IQGAP2: variants seen among roughly 807,000 people sequenced by gnomAD.
IQGAP2 encodes the protein IQ motif containing GTPase activating protein 2, also known as ras GTPase-activating-like protein IQGAP2.
In IQGAP2, 173 loss-of-function variants were observed where a neutral mutation model predicts 201.3. That is an observed-to-expected ratio of 0.86 (90% CI 0.76 to 0.98). The LOEUF is 0.98. Ranked by LOEUF, IQGAP2 falls within the 50% of genes least tolerant of loss-of-function variation. The pLI, the probability that IQGAP2 is intolerant of heterozygous loss-of-function variation, is 0.00. For missense variants in IQGAP2, 1,687 were observed against 1,864.8 expected, an observed-to-expected ratio of 0.90 and a Z score of 1.76; for synonymous variants, 675 against 673.9, an observed-to-expected ratio of 1.00 and a Z score of -0.03.
chr5:76,597,285 C>T, intron 9 of IQGAP2, 154 bp from the exon 10 acceptor site: 2 of 677,946 alleles, frequency 3.0e-6, no homozygotes, highest in East Asian at 2.7e-5. Context: ...ACTGAGATAA[C>T]ATTTTCAAAG....
At chr5:76,407,999 T>G (rs1750886800) in intron 1 of IQGAP2, among the ~76,000 whole-genome samples, 1 of 152,062 alleles carries the variant, frequency 6.6e-6, no homozygotes. Context: ...GGTGTGGTAG[T>G]GCATGCCTGT....
intron 17 of IQGAP2, among the ~76,000 whole-genome samples, chr5:76,651,750 A>G (rs1225206945): frequency 6.6e-6 from 1 of 151,658 alleles, no homozygotes; most frequent in Non-Finnish European, 1.5e-5. Flanking sequence ...TTTTTTAAAC[A>G]TATTTATGCC....
In IQGAP2 at chr5:76,674,008, C is replaced by G. The variant is rs1744584995; in HGVS notation, c.3266C>G (p.Pro1089Arg). The G allele has an allele frequency of 1.2e-6, 2 of 1,607,706 alleles. No homozygotes were observed. Among genetic ancestry groups the G allele is most frequent in the African/African-American group, 2.7e-5 (2 of 74,862 alleles). The part of the protein sequence containing the change: ...VLKNSIHEKF[P>R]DATEDELLKI... Reference sequence around the variant, plus strand: ...AAGAATTCGATCCATGAGAAATTCCCCGATGCAACAGAAGATGAGCTATTA... The same window carrying G: ...AAGAATTCGATCCATGAGAAATTCCGCGATGCAACAGAAGATGAGCTATTA... The change falls in exon 26 of 36, where the codon CCC (proline) becomes CGC (arginine). Residue 1089 changes from proline (P) to arginine (R), a missense_variant. Transcript: ENST00000274364.
intron 2 of IQGAP2, among the ~76,000 whole-genome samples, chr5:76,487,307 C>T (rs527482155): frequency 1.7e-4 from 26 of 152,188 alleles, no homozygotes; most frequent in African/African-American, 5.8e-4. Flanking sequence ...CCATGTTGGC[C>T]AGGCTGGTCT....
chr5:76,510,552 T>C (rs973206109), intron 2 of IQGAP2: 3 of 448,064 alleles, frequency 6.7e-6, no homozygotes, highest in African/African-American at 6.0e-5. Context: ...CCCGCCAAGG[T>C]ATAGAGTCTC....
In IQGAP2 at chr5:76,486,522, T is replaced by C. The variant is rs1230550888; in HGVS notation, c.146+24853T>C. 2.6e-5 allele frequency among the ~76,000 whole-genome samples: 4 copies of C among 152,210 alleles called. No homozygotes were observed. The East Asian group carries it at 7.7e-4, about 29-fold the overall frequency. ...CATCAATTTCAGACCTTAAGCACGGTTATCAACCTGTTAGATGCTTCTATT... is the reference window on the plus strand; with the variant it reads ...CATCAATTTCAGACCTTAAGCACGGCTATCAACCTGTTAGATGCTTCTATT... On this transcript the variant is annotated intron_variant, in intron 2 of 35. Transcript: ENST00000274364.
intron 2 of IQGAP2, among the ~76,000 whole-genome samples, chr5:76,510,085 C>T (rs772885717): frequency 3.3e-4 from 50 of 151,324 alleles, no homozygotes; most frequent in South Asian, 2.1e-4. Flanking sequence ...CTGTGAACTC[C>T]GCCTCCTGGA....
intron 11 of IQGAP2, among the ~76,000 whole-genome samples, chr5:76,605,935 T>C (rs1177011143): frequency 6.6e-6 from 1 of 152,220 alleles, no homozygotes; most frequent in African/African-American, 2.4e-5. Flanking sequence ...GAGTTAGGTA[T>C]GAGTTTCGAT....
chr5:76,496,781 CTTTCTTTCTTTCTCTT>C, intron 2 of IQGAP2, among the ~76,000 whole-genome samples: 2 of 91,536 alleles, frequency 2.2e-5, no homozygotes, highest in Non-Finnish European at 4.2e-5. Flanking sequence ...TTCTTTCTTT[CTTTCTTTCTTTCTCTT>C]TCTTTCTTTC....
intron 1 of IQGAP2, among the ~76,000 whole-genome samples, chr5:76,436,499 ATATATATATATATATATATTTTTTTTT>A (rs1580185961): frequency 5.3e-5 from 1 of 18,700 alleles, no homozygotes; most frequent in East Asian, 1.2e-3. Context: ...ATATATATAT[ATATATATATATATATATATTTTTTTTT>A]TTTTTTTTTT....
Position 76,670,097 on chromosome 5 carries a change from A to G in IQGAP2, c.2843+1253A>G, listed in dbSNP as rs537832925. On this transcript the variant is annotated intron_variant, in intron 23 of 35. Transcript: ENST00000274364. ...AGAGAGATGGCGGGTGAAGCTGTGC[A>G]TGCACGTGAGGTCTGAGGGGAGAAC... Among the ~76,000 whole-genome samples, 88 of 152,286 alleles carry G rather than the reference A, an allele frequency of 5.8e-4. 1 individual carries two copies. The highest frequency in any genetic ancestry group is 7.5e-4 in the Non-Finnish European group (51 of 68,008).
chr5:76,410,830 A>G (rs775356681), intron 1 of IQGAP2, among the ~76,000 whole-genome samples: 3 of 152,154 alleles, frequency 2.0e-5, no homozygotes, highest in Non-Finnish European at 4.4e-5. Flanking sequence ...TGTGTTTCCA[A>G]TTCATTGGCA....
At chr5:76,437,121 G>A (rs529187448) in intron 1 of IQGAP2, among the ~76,000 whole-genome samples, 1 of 151,738 alleles carries the variant, frequency 6.6e-6, no homozygotes, top group Non-Finnish European at 1.5e-5. Context: ...GCGCAATCTC[G>A]ACTCACTGCA....
chr5:76,411,726 T>C (rs979084411), intron 1 of IQGAP2, among the ~76,000 whole-genome samples: 1 of 152,168 alleles, frequency 6.6e-6, no homozygotes, highest in Non-Finnish European at 1.5e-5. Context: ...CGGAAACAAA[T>C]TTCTGTTCAT....
At chr5:76,453,272 T>C (rs764358753) in intron 1 of IQGAP2, among the ~76,000 whole-genome samples, 6 of 152,184 alleles carry the variant, frequency 3.9e-5, no homozygotes, top group Non-Finnish European at 7.3e-5. Flanking sequence ...GCAAAATATG[T>C]GATGTAGTAA....
intron 2 of IQGAP2, among the ~76,000 whole-genome samples, chr5:76,537,329 A>G (rs556735256): frequency 3.3e-5 from 5 of 152,332 alleles, no homozygotes; most frequent in African/African-American, 1.2e-4. Flanking sequence ...TGATTATCTC[A>G]AATGCCACCT....
chr5:76,702,879 T>C (rs1747534981), intron 35 of IQGAP2, among the ~76,000 whole-genome samples: 1 of 152,246 alleles, frequency 6.6e-6, no homozygotes, highest in African/African-American at 2.4e-5. Context: ...TTCAGAGCTA[T>C]TAAATAAATG....
Position 76,562,465 on chromosome 5 carries a change from A to G in IQGAP2, c.216A>G (p.Gly72=), listed in dbSNP as rs750228804. Residue 72 remains glycine (G), a synonymous_variant, in exon 3 of 36, where the codon GGA becomes GGG. Transcript: ENST00000274364. ...TTELEEGLRN[G]VYLAKLAKFF... is the part of the protein sequence containing the mutation. Reference sequence around the variant, plus strand: ...AATTGGAAGAAGGGCTCCGGAATGGAGTTTACCTTGCAAAGTTAGCCAAGT... The same window carrying G: ...AATTGGAAGAAGGGCTCCGGAATGGGGTTTACCTTGCAAAGTTAGCCAAGT... 4.4e-5 allele frequency: 71 copies of G among 1,613,738 alleles called. No individual in the cohort carries two copies. In the South Asian group the frequency reaches 7.1e-4, roughly 16 times the overall value.
chr5:76,706,199 T>C (rs1452689810), intron 35 of IQGAP2, among the ~76,000 whole-genome samples: 1 of 152,156 alleles, frequency 6.6e-6, no homozygotes, highest in African/African-American at 2.4e-5. Flanking sequence ...ACGTGCTGTA[T>C]TATATACCAA....
Sources: allele counts gnomAD v4.1 joint callset (sites outside exome capture counted in the v4.1 genomes callset), GRCh38; gene constraint gnomAD v4.1.1; transcripts MANE v1.5; gene names NCBI Gene and HGNC (gene_info 2026-07-23, HGNC 2026-07-21).